Variants in OLA1 observed in about 807,000 individuals in gnomAD.
OLA1 encodes the protein Obg like ATPase 1, also known as obg-like ATPase 1.
A neutral mutation model predicts 48.4 loss-of-function variants in OLA1; 14 were observed. The observed-to-expected ratio is 0.29, with a 90% CI of 0.19 to 0.45. OLA1 has a LOEUF of 0.45. Ranked by LOEUF, OLA1 falls within the 20% of genes least tolerant of loss-of-function variation. The pLI, the probability that OLA1 is intolerant of heterozygous loss-of-function variation, is 1.00. For synonymous variants in OLA1, 127 were observed against 150.4 expected, an observed-to-expected ratio of 0.84 and a Z score of 1.14; for missense variants, 325 against 467.1, an observed-to-expected ratio of 0.70 and a Z score of 2.80.
At chr2:174,215,382 C>A (rs1032186968) in intron 4 of OLA1, among the ~76,000 whole-genome samples, 12 of 152,182 alleles carry the variant, frequency 7.9e-5, no homozygotes, top group African/African-American at 9.6e-5. Flanking sequence ...CTAATAAACT[C>A]GTCAATAAAT....
intron 4 of OLA1, among the ~76,000 whole-genome samples, chr2:174,156,452 G>A (rs10173054): frequency 0.53 from 80,810 of 151,836 alleles, 22,070 homozygotes; most frequent in East Asian, 0.94. Context: ...GATGTCAATT[G>A]ATGGAAAGGC....
At chr2:174,241,915 C>T (rs572855907) in intron 2 of OLA1, among the ~76,000 whole-genome samples, 18 of 152,352 alleles carry the variant, frequency 1.2e-4, no homozygotes, top group South Asian at 2.1e-4. Flanking sequence ...GGATTACAGG[C>T]GTGAGCCTCT....
At chr2:174,083,124 A>G (rs1684894230) in intron 7 of OLA1, among the ~76,000 whole-genome samples, 1 of 152,176 alleles carries the variant, frequency 6.6e-6, no homozygotes, top group Non-Finnish European at 1.5e-5. Context: ...GAGACTATAC[A>G]TTCCATTAAA....
At chr2:174,107,316 G>A (rs79177087) in intron 7 of OLA1, among the ~76,000 whole-genome samples, 10 of 151,990 alleles carry the variant, frequency 6.6e-5, no homozygotes, top group African/African-American at 1.7e-4. Flanking sequence ...TAAAATGGAC[G>A]TCCACGCTCT....
At chr2:174,169,713 T>C (rs1200384058) in intron 4 of OLA1, among the ~76,000 whole-genome samples, 1 of 152,148 alleles carries the variant, frequency 6.6e-6, no homozygotes, top group Non-Finnish European at 1.5e-5. Context: ...AACCTCAGAT[T>C]CTCAGAAAGA....
rs58281097 is a variant in OLA1 at position 174,075,253 on chromosome 2, TGGG to T, written c.*170_*172del. ...TCACATTTAGTGAACCTGCATTTCA[TGGG>T]GGGGGGGGGGTACACAGTATTTTAA... On this transcript the variant is annotated 3_prime_UTR_variant, in exon 11 of 11. Transcript: ENST00000284719. 1.5e-4 allele frequency: 49 copies of T among 318,876 alleles called. No individual in the cohort carries two copies. The highest frequency in any genetic ancestry group is 3.0e-4 in the Admixed American group (5 of 16,576). The allele number at this position is 318,876 out of a possible 1,614,324, so 19.8% of individuals were successfully genotyped here.
At chr2:174,162,152 T>A (rs753260909) in intron 4 of OLA1, among the ~76,000 whole-genome samples, 2 of 152,100 alleles carry the variant, frequency 1.3e-5, no homozygotes, top group African/African-American at 4.8e-5. Context: ...GTAGAATACA[T>A]AAGGTACATT....
At chr2:174,243,676 G>A (rs1689060628) in intron 2 of OLA1, among the ~76,000 whole-genome samples, 1 of 151,982 alleles carries the variant, frequency 6.6e-6, no homozygotes, top group South Asian at 2.1e-4. Flanking sequence ...GCAATGGAGG[G>A]GAATGTCAAA....
At chr2:174,160,491 A>G (rs1229227469) in intron 4 of OLA1, among the ~76,000 whole-genome samples, 6 of 152,230 alleles carry the variant, frequency 3.9e-5, no homozygotes, top group South Asian at 2.1e-4. Context: ...AGATTCAAAA[A>G]AGCAAATAAA....
chr2:174,147,213 G>C (rs1250490125), intron 4 of OLA1, among the ~76,000 whole-genome samples: 1 of 152,100 alleles, frequency 6.6e-6, no homozygotes, highest in African/African-American at 2.4e-5. Flanking sequence ...GATCACCTGA[G>C]GTCAGGAGTT....
intron 10 of OLA1, among the ~76,000 whole-genome samples, chr2:174,076,619 T>G (rs957414940): frequency 1.3e-5 from 2 of 152,068 alleles, no homozygotes; most frequent in African/African-American, 4.8e-5. Flanking sequence ...AGAGCCCTAG[T>G]AAGCATATTT....
At chr2:174,104,328 CAAAG>C (rs936841927) in intron 7 of OLA1, among the ~76,000 whole-genome samples, 2 of 151,900 alleles carry the variant, frequency 1.3e-5, no homozygotes, top group African/African-American at 4.8e-5. Flanking sequence ...GTGCACATAC[CAAAG>C]AAAGTATAAA....
At chr2:174,123,327 G>A (rs1685963593) in intron 6 of OLA1, 50 bp from the exon 7 acceptor site, 1 of 829,778 alleles carries the variant, frequency 1.2e-6, no homozygotes, top group African/African-American at 1.8e-5. Context: ...TAGTAAATAT[G>A]GAGTAAATCA....
intron 5 of OLA1, among the ~76,000 whole-genome samples, chr2:174,129,536 T>G (rs1177811250): frequency 6.6e-6 from 1 of 151,016 alleles, no homozygotes; most frequent in Non-Finnish European, 1.5e-5. Flanking sequence ...TGATTCCATT[T>G]ATGGTTTTGA....
At position 174,226,001 on chromosome 2, in the gene OLA1, C is replaced by T. The variant is rs1291614308; in HGVS notation, c.246-2841G>A. 4.2e-5 allele frequency among the ~76,000 whole-genome samples: 2 copies of T among 48,020 alleles called. 1 individual carries two copies. The highest frequency in any genetic ancestry group is 1.3e-4 in the African/African-American group (2 of 15,136). 31.5% of individuals were successfully genotyped at this position (48,020 alleles called of 152,430 possible). A position where few individuals can be genotyped will look rare whatever the true frequency, so the allele number is the denominator to read the frequency against. Reference sequence around the variant, plus strand: ...CGAGGTCAAGAGATCGAGACCATCCCGGCTAAAACGGTGAAACCCCGTCTC... The same window carrying T: ...CGAGGTCAAGAGATCGAGACCATCCTGGCTAAAACGGTGAAACCCCGTCTC... On this transcript the variant is annotated intron_variant, in intron 3 of 10. Transcript: ENST00000284719.
intron 4 of OLA1, among the ~76,000 whole-genome samples, chr2:174,212,583 A>G (rs987276039): frequency 6.6e-6 from 1 of 152,228 alleles, no homozygotes; most frequent in African/African-American, 2.4e-5. Context: ...TAATTTTTTT[A>G]ACGTTTGGAC....
rs1684717549 is a variant in OLA1 at position 174,075,524 on chromosome 2, C to A, written c.1093G>T (p.Ala365Ser). The change falls in exon 11 of 11, where the codon GCT becomes TCT. Residue 365 changes from alanine to serine, a missense_variant. Physicochemically the swap from Ala to Ser is moderately conservative, Grantham distance 99. Coordinates refer to ENST00000284719, the MANE Select transcript of OLA1 (RefSeq NM_013341.5). ...CTGCCTTGTTGTCTGTACTTTCCAG[C>A]AGCCTGCAAACAGAAAATATAGAGG... ...EEGSENAVKA[A>S]GKYRQQGRNY... The A allele has an allele frequency of 6.3e-7, 1 of 1,598,542 alleles. No individual in the cohort carries two copies. Among genetic ancestry groups the A allele is most frequent in the Admixed American group, 1.7e-5 (1 of 59,564 alleles).
At chr2:174,176,874 A>T (rs1448775921) in intron 4 of OLA1, among the ~76,000 whole-genome samples, 3 of 152,164 alleles carry the variant, frequency 2.0e-5, no homozygotes, top group Non-Finnish European at 2.9e-5. Flanking sequence ...TCCCTCAATA[A>T]AGCAATTCAT....
chr2:174,155,998 G>C lies in OLA1; in HGVS notation c.374-13998C>G, dbSNP rs189566998. Reference sequence around the variant, plus strand: ...GTTGGATGAATTTCTCTATGCCTTAGTTTCCTCTGTAAAATGTACACAATA... The same window carrying C: ...GTTGGATGAATTTCTCTATGCCTTACTTTCCTCTGTAAAATGTACACAATA... On this transcript the variant is annotated intron_variant, in intron 4 of 10. Coordinates refer to ENST00000284719, the MANE Select transcript of OLA1 (RefSeq NM_013341.5). 2.4e-3 allele frequency among the ~76,000 whole-genome samples: 363 copies of C among 152,268 alleles called. 2 individuals are homozygous for C. Among genetic ancestry groups the C allele is most frequent in the African/African-American group, 8.3e-3 (345 of 41,552 alleles).
Sources: allele counts gnomAD v4.1 joint callset (sites outside exome capture counted in the v4.1 genomes callset), GRCh38; gene constraint gnomAD v4.1.1; transcripts MANE v1.5; gene names NCBI Gene and HGNC (gene_info 2026-07-23, HGNC 2026-07-21).